Variants in PACS2 observed in about 807,000 individuals in gnomAD.
The protein encoded by PACS2 is PACS1-like protein.
In PACS2, 36 loss-of-function variants were observed where a neutral mutation model predicts 113.0. That is an observed-to-expected ratio of 0.32 (90% confidence interval 0.24 to 0.42). The LOEUF (loss-of-function observed/expected upper bound fraction) is 0.42, where lower values mean the gene tolerates loss of function less well. Ranked by LOEUF, PACS2 falls within the 10% of genes least tolerant of loss-of-function variation. PACS2 has a pLI of 1.00. For synonymous variants in PACS2, 589 were observed against 536.1 expected, an observed-to-expected ratio of 1.10 and a Z score of -1.36; for missense variants, 1,015 against 1,239.5, an observed-to-expected ratio of 0.82 and a Z score of 2.72.
intron 1 of PACS2, among the ~76,000 whole-genome samples, chr14:105,347,400 G>A (rs1386140283): frequency 5.9e-5 from 9 of 152,156 alleles, no homozygotes; most frequent in Non-Finnish European, 7.4e-5. Flanking sequence ...GGGTGGAGAC[G>A]GAAGCACGTG....
rs1555404207 is a variant in PACS2, at chr14:105,352,455, C to T, written c.285C>T (p.Thr95=). The change falls in exon 3 of 25, where the codon ACC becomes ACT. Residue 95 remains threonine, a synonymous_variant. Coordinates refer to ENST00000447393, the MANE Select transcript of PACS2 (RefSeq NM_001100913.3). ...AAGTGGAGACAGACCTGGCCCTGAC[C>T]TTCTCCTTGCAGGTGAGTCTTTCAC... The part of the protein sequence containing the change: ...SGQVETDLAL[T]FSLQYPHFLK... 1 of 1,604,644 alleles carries T rather than the reference C, an allele frequency of 6.2e-7. No homozygotes were observed. Among genetic ancestry groups the T allele is most frequent in the South Asian group, 1.1e-5 (1 of 90,880 alleles).
At chr14:105,369,812 G>T in intron 7 of PACS2, 29 bp from the exon 8 acceptor site, 1 of 1,544,506 alleles carries the variant, frequency 6.5e-7, no homozygotes, top group South Asian at 1.2e-5. Context: ...TCTGGCGGCG[G>T]CTCTGACTCT....
rs1004396480 is a variant in PACS2, at chr14:105,323,392, G to A, written c.119+8355G>A. Among the ~76,000 whole-genome samples, 2 of 152,184 alleles carry A rather than the reference G, an allele frequency of 1.3e-5. No individual in the cohort carries two copies. The highest frequency in any genetic ancestry group is 2.9e-5 in the Non-Finnish European group (2 of 68,036). On this transcript the variant is annotated intron_variant, in intron 1 of 24. Transcript: ENST00000447393. This position sits in a 1 kb window ranked among gnomAD's most constrained non-coding sequence, Gnocchi z 4.1. Reference sequence around the variant, plus strand: ...AGCCCTTCCCCCTGCCTCTGTCCACGTGCAGGGGCGTCTCCTCAGGACGCA... The same window carrying A: ...AGCCCTTCCCCCTGCCTCTGTCCACATGCAGGGGCGTCTCCTCAGGACGCA...
At chr14:105,364,444 T>C (rs1238197081) in intron 4 of PACS2, among the ~76,000 whole-genome samples, 1 of 62,222 alleles carries the variant, frequency 1.6e-5, no homozygotes, top group African/African-American at 9.2e-5. Flanking sequence ...GTGGGCGGCG[T>C]CCCGGGTGCG....
chr14:105,341,856 T>C (rs1555401657), intron 1 of PACS2, among the ~76,000 whole-genome samples: 13 of 152,236 alleles, frequency 8.5e-5, no homozygotes. Context: ...GCAGGATCTG[T>C]CTGCTACGGG....
intron 1 of PACS2, among the ~76,000 whole-genome samples, chr14:105,337,331 A>G (rs2059566367): frequency 6.6e-6 from 1 of 152,220 alleles, no homozygotes; most frequent in South Asian, 2.1e-4. Context: ...CAGTTGCGCA[A>G]GGTGAAGAGA....
chr14:105,383,207 TG>T, intron 15 of PACS2, 151 bp from the exon 16 acceptor site: 1 of 871,306 alleles, frequency 1.1e-6, no homozygotes, highest in Non-Finnish European at 1.9e-6. Context: ...TTTGGGCATG[TG>T]GGGGTCCTGG....
chr14:105,373,296 A>G (rs1398722972), intron 8 of PACS2, among the ~76,000 whole-genome samples: 3 of 152,234 alleles, frequency 2.0e-5, no homozygotes, highest in African/African-American at 7.2e-5. Flanking sequence ...GAAGACTTAT[A>G]CTTCCCAATT....
rs781788864 is a variant in PACS2 at position 105,383,522 on chromosome 14, C to T, written c.1780+9C>T. The T allele has an allele frequency of 6.3e-7, 1 of 1,574,914 alleles. No individual in the cohort carries two copies. The highest frequency in any genetic ancestry group is 2.3e-5 in the East Asian group (1 of 44,392). ...CCTGGTCATCCCACTGGGTGAGCAC[C>T]ACGCCGTCCACCTGGGCCTGGGCAC... On this transcript the variant is annotated intron_variant, in intron 16 of 24. Transcript: ENST00000447393.
At chr14:105,361,404 G>A (rs9671782) in intron 4 of PACS2, among the ~76,000 whole-genome samples, 15,116 of 152,052 alleles carry the variant, frequency 0.099, 2,526 homozygotes, top group African/African-American at 0.34. Context: ...TGGCAGGCCA[G>A]GGCGGGTGGA....
At chr14:105,369,743 A>G in intron 7 of PACS2, 98 bp from the exon 8 acceptor site, 1 of 1,035,550 alleles carries the variant, frequency 9.7e-7, no homozygotes, top group Admixed American at 2.1e-5. Flanking sequence ...CTGCTCTCCC[A>G]CGGCGGGCCT....
intron 1 of PACS2, among the ~76,000 whole-genome samples, chr14:105,322,788 T>C (rs2058949713): frequency 6.6e-6 from 1 of 152,264 alleles, no homozygotes; most frequent in African/African-American, 2.4e-5. Flanking sequence ...CTTCCTTTGT[T>C]GCTCATTCTT....
Position 105,389,872 on chromosome 14 carries a change from C to T in PACS2, c.2034-89C>T, listed in dbSNP as rs587742306. The T allele has an allele frequency of 6.1e-5, 74 of 1,218,166 alleles. 1 individual carries two copies. Among genetic ancestry groups the T allele is most frequent in the Middle Eastern group, 2.2e-4 (1 of 4,562 alleles). The allele number at this position is 1,218,166 out of a possible 1,614,324, so 75.5% of individuals were successfully genotyped here. ...CGGCAGGGCCGCGGCCCCAGGGCTG[C>T]GCCAGGTTCTCAGGCCAAGAGGGAG... On this transcript the variant is annotated intron_variant, in intron 19 of 24. Transcript: ENST00000447393.
intron 15 of PACS2, 55 bp downstream of exon 15, chr14:105,382,968 AC>A: frequency 9.6e-7 from 1 of 1,041,196 alleles, no homozygotes; most frequent in East Asian, 2.5e-5. Flanking sequence ...GGGTCCCTGC[AC>A]CCCCACCTCT....
chr14:105,320,972 G>A (rs1267180507), intron 1 of PACS2, among the ~76,000 whole-genome samples: 1 of 152,206 alleles, frequency 6.6e-6, no homozygotes, highest in African/African-American at 2.4e-5. Flanking sequence ...GGGCAACGTA[G>A]TGAAATCCCA....
At chr14:105,372,144 C>T (rs1388483689) in intron 8 of PACS2, 2 of 152,314 alleles carry the variant, frequency 1.3e-5, no homozygotes, top group Non-Finnish European at 2.9e-5. Flanking sequence ...AGGTGCCACA[C>T]AGTGGGTCTG....
At chr14:105,302,209 T>C (rs1348278996) in intron 1 of PACS2, among the ~76,000 whole-genome samples, 3 of 150,152 alleles carry the variant, frequency 2.0e-5, no homozygotes, top group African/African-American at 4.9e-5. Context: ...TCTTTCTTTT[T>C]TTTTTTTTTT....
At position 105,355,207 on chromosome 14, in the gene PACS2, C is replaced by T. The variant is rs782375596; in HGVS notation, c.423+30C>T. The T allele has an allele frequency of 2.7e-5, 43 of 1,602,050 alleles. No individual in the cohort carries two copies. The highest frequency in any genetic ancestry group is 4.0e-5 in the African/African-American group (3 of 74,526). ...GTGCTCCGTCTGGCGTGGCCTGCGT[C>T]GGGCTGGCCACCTGGGTGCCAGAGC... is the stretch of plus-strand genomic sequence containing the variant. On this transcript the variant is annotated intron_variant, in intron 4 of 24. Transcript: ENST00000447393. This position sits in a 1 kb window ranked among gnomAD's most constrained non-coding sequence, Gnocchi z 4.1.
intron 16 of PACS2, chr14:105,384,035 G>T (rs925940656): frequency 1.6e-5 from 6 of 375,620 alleles, no homozygotes; most frequent in South Asian, 1.5e-4. Context: ...CACCTCTCCC[G>T]TGTGGCCCTC....
Sources: gnomAD v4.1 joint callset for allele counts (sites outside exome capture counted in the v4.1 genomes callset) on GRCh38, gnomAD v4.1.1 for gene constraint, Gnocchi (gnomAD v3.1) non-coding constraint, MANE v1.5 for transcripts, NCBI Gene and HGNC (gene_info 2026-07-23, HGNC 2026-07-21) for gene names.